The following ETS1 variants were observed in gnomAD, a reference collection of about 807,000 sequenced individuals.
ETS1 encodes the protein ETS proto-oncogene 1, transcription factor.
In ETS1, 15 loss-of-function variants were observed where a neutral mutation model predicts 58.6. The ratio of observed to expected loss-of-function variants is 0.26; its 90% CI spans 0.17 to 0.39. The LOEUF (loss-of-function observed/expected upper bound fraction) is 0.39, where lower values mean the gene tolerates loss of function less well. Ranked by LOEUF, ETS1 falls within the 10% of genes least tolerant of loss-of-function variation. The pLI is 1.00. For synonymous variants in ETS1, 214 were observed against 218.2 expected, an observed-to-expected ratio of 0.98 and a Z score of 0.17; for missense variants, 417 against 610.5, an observed-to-expected ratio of 0.68 and a Z score of 3.34.
intron 5 of ETS1, among the ~76,000 whole-genome samples, chr11:128,487,473 G>A (rs1254438119): frequency 6.6e-6 from 1 of 152,194 alleles, no homozygotes; most frequent in East Asian, 1.9e-4. Flanking sequence ...AGGCGCGGTG[G>A]CTCACGCCTG....
chr11:128,513,691 A>C (rs1334718145), intron 3 of ETS1, among the ~76,000 whole-genome samples: 2 of 152,248 alleles, frequency 1.3e-5, no homozygotes, highest in African/African-American at 4.8e-5. Context: ...CTAGAAGTAC[A>C]AAAGTCGGTT....
chr11:128,465,748 G>A (rs983941718), intron 8 of ETS1, among the ~76,000 whole-genome samples: 2 of 152,130 alleles, frequency 1.3e-5, no homozygotes, highest in Admixed American at 6.5e-5. Context: ...TATGCTTGAC[G>A]GTGCACCTAC....
intron 6 of ETS1, among the ~76,000 whole-genome samples, chr11:128,485,828 G>A (rs989213700): frequency 6.6e-6 from 1 of 152,056 alleles, no homozygotes; most frequent in Non-Finnish European, 1.5e-5. Context: ...ATGACTTTCA[G>A]GTGAAGACAT....
chr11:128,528,237 A>G (rs1461945820), intron 3 of ETS1, among the ~76,000 whole-genome samples: 1 of 152,200 alleles, frequency 6.6e-6, no homozygotes, highest in Non-Finnish European at 1.5e-5. Context: ...TGCATGGCCA[A>G]CAGTCATGGA....
At chr11:128,476,877 A>C (rs1203007565) in intron 8 of ETS1, among the ~76,000 whole-genome samples, 1 of 152,226 alleles carries the variant, frequency 6.6e-6, no homozygotes, top group African/African-American at 2.4e-5. Context: ...TGTATTCTTA[A>C]CTCAGCTAAC....
At chr11:128,488,289 C>G (rs1409814261) in intron 5 of ETS1, among the ~76,000 whole-genome samples, 1 of 152,118 alleles carries the variant, frequency 6.6e-6, no homozygotes, top group Non-Finnish European at 1.5e-5. Flanking sequence ...TCCTTTATGT[C>G]TTATTTTTCA....
At chr11:128,536,114 T>C (rs1161889962) in intron 3 of ETS1, among the ~76,000 whole-genome samples, 1 of 152,102 alleles carries the variant, frequency 6.6e-6, no homozygotes, top group Non-Finnish European at 1.5e-5. Context: ...TAAAGAAGAG[T>C]AATCTAAGAC....
At chr11:128,551,433 G>A (rs1217162893) in intron 3 of ETS1, among the ~76,000 whole-genome samples, 1 of 152,156 alleles carries the variant, frequency 6.6e-6, no homozygotes, top group Non-Finnish European at 1.5e-5. Flanking sequence ...TCTCCCACTT[G>A]AACTTCCAAA....
intron 8 of ETS1, among the ~76,000 whole-genome samples, chr11:128,466,898 A>G (rs956024094): frequency 2.0e-5 from 3 of 152,208 alleles, no homozygotes; most frequent in South Asian, 2.1e-4. Flanking sequence ...GACAGTCAAC[A>G]TAACAGAGAT....
intron 3 of ETS1, among the ~76,000 whole-genome samples, chr11:128,545,843 TG>T (rs1349849821): frequency 2.0e-5 from 3 of 152,182 alleles, no homozygotes; most frequent in African/African-American, 7.2e-5. Flanking sequence ...GGCATCATGG[TG>T]GTTGGTTTTA....
At chr11:128,503,761 G>C (rs1174181753) in intron 3 of ETS1, among the ~76,000 whole-genome samples, 1 of 152,112 alleles carries the variant, frequency 6.6e-6, no homozygotes, top group Non-Finnish European at 1.5e-5. Flanking sequence ...GAGCCACATG[G>C]GAACCACATG....
chr11:128,576,259 C>G (rs991044340), intron 1 of ETS1, among the ~76,000 whole-genome samples: 5 of 152,154 alleles, frequency 3.3e-5, no homozygotes, highest in Non-Finnish European at 5.9e-5. Flanking sequence ...CGCCCTTTTT[C>G]CACTTGTAGA....
At chr11:128,507,276 A>T (rs1304286850) in intron 3 of ETS1, among the ~76,000 whole-genome samples, 1 of 151,984 alleles carries the variant, frequency 6.6e-6, no homozygotes, top group Non-Finnish European at 1.5e-5. Flanking sequence ...AGGGAGAGGG[A>T]AGGAGAGGGA....
chr11:128,521,610 G>A (rs1277029216), intron 3 of ETS1, among the ~76,000 whole-genome samples: 1 of 152,082 alleles, frequency 6.6e-6, no homozygotes, highest in Non-Finnish European at 1.5e-5. Context: ...GCTCATTTGG[G>A]AAAATAAAAA....
In ETS1 at chr11:128,498,939, T is replaced by A. The variant is rs377229707; in HGVS notation, c.215-8363A>T. 5.3e-5 allele frequency among the ~76,000 whole-genome samples: 8 copies of A among 152,346 alleles called. 1 individual carries two copies. The highest frequency in any genetic ancestry group is 1.7e-4 in the African/African-American group (7 of 41,580). ...AGTTCCTAAATGTCCCAGAACAGTG[T>A]GACTTCTTTATCTGAAAAACACAGA... On this transcript the variant is annotated intron_variant, in intron 3 of 9. Coordinates refer to ENST00000392668, the MANE Select transcript of ETS1 (RefSeq NM_001143820.2).
intron 3 of ETS1, chr11:128,536,852 G>A (rs541533307): frequency 1.3e-5 from 2 of 152,280 alleles, no homozygotes; most frequent in South Asian, 4.1e-4. Context: ...TAAAGTTTGG[G>A]TCATTTTAAA....
chr11:128,556,395 T>C lies in ETS1; in HGVS notation c.110A>G (p.Asn37Ser). The change falls in exon 3 of 10, where the codon AAC becomes AGC. Residue 37 changes from asparagine to serine, a missense_variant. By Grantham distance (46) the Asn-to-Ser change is conservative (BLOSUM62 1). Coordinates refer to ENST00000392668, the MANE Select transcript of ETS1 (RefSeq NM_001143820.2). The part of the protein sequence containing the change: ...PSNTYEDPRM[N>S]CGFQSNYHQQ... ...GTGATAATTGGACTGGAAACCACAGTTCATTCGAGGATCTTCATAAGTGTT... is the reference window on the plus strand; with the variant it reads ...GTGATAATTGGACTGGAAACCACAGCTCATTCGAGGATCTTCATAAGTGTT... 2 of 1,613,148 alleles carry C rather than the reference T, an allele frequency of 1.2e-6. No individual in the cohort carries two copies. The highest frequency in any genetic ancestry group is 3.3e-4 in the Middle Eastern group (2 of 6,060).
intron 3 of ETS1, among the ~76,000 whole-genome samples, chr11:128,507,029 G>C (rs927430786): frequency 1.3e-5 from 2 of 152,192 alleles, no homozygotes; most frequent in African/African-American, 4.8e-5. Context: ...GGAGACAGAG[G>C]AAAAGCTGAT....
intron 1 of ETS1, 39 bp from the exon 2 acceptor site, chr11:128,573,183 C>G (rs919533122): frequency 2.1e-6 from 3 of 1,445,996 alleles, no homozygotes; most frequent in African/African-American, 2.8e-5. Context: ...TCTGGATGCT[C>G]ACAGGTTTGT....
Sources: allele counts gnomAD v4.1 joint callset (sites outside exome capture counted in the v4.1 genomes callset), GRCh38; gene constraint gnomAD v4.1.1; transcripts MANE v1.5; gene names NCBI Gene and HGNC (gene_info 2026-07-23, HGNC 2026-07-21).